Variants in CHSY3 observed in about 807,000 individuals in gnomAD.
The protein encoded by CHSY3 is N-acetylgalactosaminyl-proteoglycan 3-beta-glucuronosyltransferase 3.
A neutral mutation model predicts 67.2 loss-of-function variants in CHSY3; 35 were observed. The ratio of observed to expected loss-of-function variants is 0.52; its 90% confidence interval spans 0.40 to 0.69. The LOEUF is 0.69. Ranked by LOEUF, CHSY3 falls within the 30% of genes least tolerant of loss-of-function variation. CHSY3 has a pLI of 0.00. For missense variants in CHSY3, 1,069 were observed against 1,138.5 expected (o/e 0.94, Z 0.88); for synonymous variants, 474 against 434.7 (o/e 1.09, Z -1.12).
chr5:129,988,823 T>C (rs1345161847), intron 2 of CHSY3, among the ~76,000 whole-genome samples: 2 of 152,324 alleles, frequency 1.3e-5, no homozygotes, highest in Admixed American at 6.5e-5. Context: ...GTGATTTTTC[T>C]AGAAGTATAA....
chr5:130,001,882 A>C (rs1175323682), intron 2 of CHSY3: 1 of 929,716 alleles, frequency 1.1e-6, no homozygotes, highest in Non-Finnish European at 1.3e-6. Context: ...TGTAACCAAA[A>C]GGTAATGGTG....
chr5:130,006,071 A>C (rs1025873731), intron 2 of CHSY3, among the ~76,000 whole-genome samples: 7 of 152,344 alleles, frequency 4.6e-5, no homozygotes, highest in Admixed American at 2.6e-4. Context: ...TGCATGTCCC[A>C]AAATTAAATA....
chr5:129,955,517 T>C (rs1431927256), intron 2 of CHSY3, among the ~76,000 whole-genome samples: 1 of 150,834 alleles, frequency 6.6e-6, no homozygotes, highest in African/African-American at 2.4e-5. Flanking sequence ...TCTTAAGATA[T>C]ATGTATTTAT....
intron 2 of CHSY3, among the ~76,000 whole-genome samples, chr5:130,161,982 G>T: frequency 6.7e-6 from 1 of 149,068 alleles, no homozygotes; most frequent in Non-Finnish European, 1.5e-5. Flanking sequence ...TGAGGCTGCA[G>T]TGAGCCAAGA....
chr5:129,983,751 G>A (rs560982201), intron 2 of CHSY3, among the ~76,000 whole-genome samples: 5 of 152,066 alleles, frequency 3.3e-5, no homozygotes, highest in Non-Finnish European at 4.4e-5. Flanking sequence ...CATAAAATAT[G>A]AGGGGAATTG....
chr5:130,161,068 C>G (rs1412984930), intron 2 of CHSY3, among the ~76,000 whole-genome samples: 1 of 151,722 alleles, frequency 6.6e-6, no homozygotes, highest in African/African-American at 2.4e-5. Flanking sequence ...CCACGCCCAT[C>G]TAATTTTTTG....
intron 2 of CHSY3, among the ~76,000 whole-genome samples, chr5:129,949,321 T>G (rs1483455277): frequency 1.3e-5 from 2 of 152,002 alleles, no homozygotes; most frequent in Non-Finnish European, 2.9e-5. Flanking sequence ...CTATGAACAA[T>G]TATACACCAA....
rs1554082166 is a variant in CHSY3, at chr5:130,091,146, G to GCGCACA, written c.1087-93082_1087-93081insGCACAC. ...CACACACACACACACGCACACGCGC[G>GCGCACA]CACACACACACACACACTACTTTTG... On this transcript the variant is annotated intron_variant, in intron 2 of 2. Coordinates refer to ENST00000305031, the MANE Select transcript of CHSY3 (RefSeq NM_175856.5). Among the ~76,000 whole-genome samples the GCGCACA allele has an allele frequency of 9.4e-3, 1,401 of 149,476 alleles. 22 individuals carry two copies. The highest frequency in any genetic ancestry group is 0.032 in the African/African-American group (1,309 of 40,312).
At chr5:129,919,530 C>T (rs961193623) in intron 2 of CHSY3, among the ~76,000 whole-genome samples, 1 of 152,058 alleles carries the variant, frequency 6.6e-6, no homozygotes, top group Admixed American at 6.5e-5. Context: ...GCGAAAGGCA[C>T]ATCTTACATA....
intron 1 of CHSY3, among the ~76,000 whole-genome samples, chr5:129,907,824 T>A (rs1259882244): frequency 1.3e-5 from 2 of 152,188 alleles, no homozygotes; most frequent in Non-Finnish European, 1.5e-5. Context: ...TACAGAAAAT[T>A]GATGATTGTC....
At chr5:130,100,698 C>T (rs1454919448) in intron 2 of CHSY3, among the ~76,000 whole-genome samples, 1 of 152,112 alleles carries the variant, frequency 6.6e-6, no homozygotes, top group Non-Finnish European at 1.5e-5. Flanking sequence ...ATCATTTAAT[C>T]CTTAAACTAA....
chr5:130,125,466 G>C (rs183113835), intron 2 of CHSY3, among the ~76,000 whole-genome samples: 5 of 152,296 alleles, frequency 3.3e-5, no homozygotes, highest in African/African-American at 1.2e-4. Flanking sequence ...CAGACAGACA[G>C]ACAGATGGAT....
At chr5:129,912,246 C>T (rs1196091866) in intron 2 of CHSY3, among the ~76,000 whole-genome samples, 1 of 152,090 alleles carries the variant, frequency 6.6e-6, no homozygotes, top group African/African-American at 2.4e-5. Flanking sequence ...TAAAGAATCC[C>T]AAACAGATCT....
At chr5:130,001,932 T>A in intron 2 of CHSY3, 1 of 862,248 alleles carries the variant, frequency 1.2e-6, no homozygotes, top group Non-Finnish European at 1.4e-6. Context: ...CTAGTTCCTT[T>A]AAGATGTTAA....
At chr5:130,094,154 C>T (rs1766971250) in intron 2 of CHSY3, among the ~76,000 whole-genome samples, 1 of 152,096 alleles carries the variant, frequency 6.6e-6, no homozygotes, top group South Asian at 2.1e-4. Flanking sequence ...GCACCACCTT[C>T]TTCTATTAGG....
chr5:129,954,387 A>G (rs555348329), intron 2 of CHSY3, among the ~76,000 whole-genome samples: 21 of 151,164 alleles, frequency 1.4e-4, no homozygotes, highest in South Asian at 4.2e-4. Context: ...CTGTGGCCTT[A>G]TAGTATAGTT....
intron 2 of CHSY3, among the ~76,000 whole-genome samples, chr5:129,950,606 G>C (rs13436286): frequency 0.5 from 76,255 of 151,896 alleles, 19,648 homozygotes; most frequent in Middle Eastern, 0.58. Flanking sequence ...ACAAAAATCA[G>C]TTGTTTTCCT....
At chr5:130,175,143 A>T (rs73248932) in intron 2 of CHSY3, among the ~76,000 whole-genome samples, 8,851 of 151,984 alleles carry the variant, frequency 0.058, 853 homozygotes, top group African/African-American at 0.2. Context: ...CAGTATGTAA[A>T]GCCCTTCAGC....
At chr5:130,139,712 T>C (rs1419885430) in intron 2 of CHSY3, among the ~76,000 whole-genome samples, 1 of 152,184 alleles carries the variant, frequency 6.6e-6, no homozygotes, top group Non-Finnish European at 1.5e-5. Context: ...GCCATTATAA[T>C]AGGTATTGAT....
Sources: gnomAD v4.1 joint callset for allele counts (sites outside exome capture counted in the v4.1 genomes callset) on GRCh38, gnomAD v4.1.1 for gene constraint, MANE v1.5 for transcripts, NCBI Gene and HGNC (gene_info 2026-07-23, HGNC 2026-07-21) for gene names.